DUSP26: variants seen among roughly 807,000 people sequenced by gnomAD.
DUSP26 encodes dual specificity protein phosphatase 26.
Under a neutral mutation model 20.0 loss-of-function variants are expected in DUSP26, and 12 were observed. The ratio of observed to expected loss-of-function variants is 0.60; its 90% CI spans 0.38 to 0.97. The LOEUF (loss-of-function observed/expected upper bound fraction) is 0.97, where lower values mean the gene tolerates loss of function less well. Among genes scored for constraint, DUSP26 ranks in the 50% least tolerant of loss-of-function variants. The probability of loss-of-function intolerance (pLI) is 0.00; values close to 1 mark genes in which losing one functional copy is unlikely to be tolerated. For synonymous variants in DUSP26, 120 were observed against 118.8 expected, an observed-to-expected ratio of 1.01 and a Z score of -0.06; for missense variants, 230 against 294.0, an observed-to-expected ratio of 0.78 and a Z score of 1.59.
rs763836838 is a variant in DUSP26, at chr8:33,597,288, T to C, written c.221+7A>G. On this transcript the variant is annotated splice_region_variant and intron_variant, in intron 2 of 3. Coordinates refer to ENST00000256261, the MANE Select transcript of DUSP26 (RefSeq NM_024025.3). ...TCTACCGTGGGCCCAGTCTGCCCGA[T>C]ACATACTGGTCTCCGAGATAGAGGC... is the stretch of plus-strand genomic sequence containing the variant. The C allele has an allele frequency of 6.2e-7, 1 of 1,607,750 alleles. No homozygotes were observed. The highest frequency in any genetic ancestry group is 1.3e-5 in the African/African-American group (1 of 74,934).
chr8:33,592,046 C>A lies in DUSP26; in HGVS notation c.603G>T (p.Leu201=). Residue 201 remains leucine (L), a synonymous_variant, in exon 4 of 4, where the codon CTG becomes CTT. Coordinates refer to ENST00000256261, the MANE Select transcript of DUSP26 (RefSeq NM_024025.3). ...CCAGACCCTGCCGCAGCCTGCGGTC[C>A]AGGGCCAGGAGCTGCCTCAGGAAGC... ...NRGFLRQLLA[L]DRRLRQGLEA 2 of 1,613,980 alleles carry A rather than the reference C, an allele frequency of 1.2e-6. No homozygotes were observed. The highest frequency in any genetic ancestry group is 1.7e-6 in the Non-Finnish European group (2 of 1,180,002).
At chr8:33,592,611 T>C (rs994507911) in intron 3 of DUSP26, among the ~76,000 whole-genome samples, 1 of 143,320 alleles carries the variant, frequency 7.0e-6, no homozygotes, top group Admixed American at 7.2e-5. Flanking sequence ...TACAGGTGCA[T>C]GAAGACAGGA....
chr8:33,595,243 T>A (rs1192346673), intron 2 of DUSP26, among the ~76,000 whole-genome samples: 1 of 152,216 alleles, frequency 6.6e-6, no homozygotes, highest in African/African-American at 2.4e-5. Flanking sequence ...AGTATGGTTC[T>A]GACATCCACT....
chr8:33,598,400 T>C (rs1355868298), intron 1 of DUSP26, among the ~76,000 whole-genome samples: 1 of 149,428 alleles, frequency 6.7e-6, no homozygotes, highest in African/African-American at 2.5e-5. Context: ...TTTGTCTGTG[T>C]GTGTCTTGAG....
intron 2 of DUSP26, among the ~76,000 whole-genome samples, chr8:33,595,421 T>G (rs1198746011): frequency 1.3e-5 from 2 of 151,434 alleles, no homozygotes; most frequent in Non-Finnish European, 2.9e-5. Flanking sequence ...TCACCTAGGC[T>G]GGAGTGCTAG....
chr8:33,599,139 T>C (rs867916851), intron 1 of DUSP26, among the ~76,000 whole-genome samples: 1 of 141,934 alleles, frequency 7.0e-6, no homozygotes, highest in African/African-American at 3.1e-5. Context: ...ACCATCACCA[T>C]CATCACTACC....
intron 1 of DUSP26, among the ~76,000 whole-genome samples, chr8:33,598,589 C>A (rs979702944): frequency 6.6e-6 from 1 of 152,030 alleles, no homozygotes; most frequent in Non-Finnish European, 1.5e-5. Flanking sequence ...AATTACCAAC[C>A]GTATGGCTGT....
At chr8:33,597,726 G>C (rs1252838730) in intron 1 of DUSP26, 135 bp from the exon 2 acceptor site, 1 of 505,604 alleles carries the variant, frequency 2.0e-6, no homozygotes, top group Non-Finnish European at 3.5e-6. Context: ...CTTCAGGGGT[G>C]GCTTTTTCTT....
chr8:33,591,786 C>A lies in DUSP26; in HGVS notation c.*227G>T, dbSNP rs144747809. On this transcript the variant is annotated 3_prime_UTR_variant, in exon 4 of 4. Coordinates refer to ENST00000256261, the MANE Select transcript of DUSP26 (RefSeq NM_024025.3). ...CCATCTTCCATCTACAGCCTAGCTG[C>A]CTCCTTCCCTGGTCAACCCTTCCTG... The A allele has an allele frequency of 2.3e-5, 13 of 564,432 alleles. No homozygotes were observed. The highest frequency in any genetic ancestry group is 4.1e-5 in the Non-Finnish European group (13 of 318,276). 35.0% of individuals were successfully genotyped at this position (564,432 alleles called of 1,614,324 possible). A position where few individuals can be genotyped will look rare whatever the true frequency, so the allele number is the denominator to read the frequency against.
chr8:33,598,590 G>A (rs370857011), intron 1 of DUSP26, among the ~76,000 whole-genome samples: 17 of 152,214 alleles, frequency 1.1e-4, no homozygotes, highest in Admixed American at 5.9e-4. Flanking sequence ...ATTACCAACC[G>A]TATGGCTGTT....
At chr8:33,599,615 C>T (rs1811226056) in intron 1 of DUSP26, 50 bp downstream of exon 1, 2 of 152,206 alleles carry the variant, frequency 1.3e-5, no homozygotes, top group South Asian at 4.1e-4. Context: ...CGCCTCTCCC[C>T]AGCGTGGAGA....
chr8:33,598,863 G>A (rs1811209367), intron 1 of DUSP26, among the ~76,000 whole-genome samples: 1 of 152,132 alleles, frequency 6.6e-6, no homozygotes, highest in African/African-American at 2.4e-5. Context: ...CCTGCCAGGG[G>A]GACTTCAACT....
chr8:33,592,523 A>AGTGAAAC (rs1424817359), intron 3 of DUSP26, among the ~76,000 whole-genome samples: 28 of 132,398 alleles, frequency 2.1e-4, no homozygotes, highest in African/African-American at 7.1e-4. Flanking sequence ...AGGCAACAAA[A>AGTGAAAC]GTGAAACCCC....
At position 33,599,933 on chromosome 8, in the gene DUSP26, C is replaced by T. The variant is rs890688116; in HGVS notation, c.-345G>A. 12 of 152,284 alleles carry T rather than the reference C, an allele frequency of 7.9e-5. No homozygotes were observed. Among genetic ancestry groups the T allele is most frequent in the Admixed American group, 7.8e-4 (12 of 15,294 alleles). The allele number at this position is 152,284 out of a possible 1,614,324, so 9.4% of individuals were successfully genotyped here. On this transcript the variant is annotated 5_prime_UTR_variant, in exon 1 of 4. Transcript: ENST00000256261. ...GCTCCCCAGCCAACCCCCCACGAGC[C>T]CGCGCGCCTTGCAGACCAGACACGG...
chr8:33,593,202 G>A (rs1178675903), intron 3 of DUSP26, among the ~76,000 whole-genome samples: 1 of 152,078 alleles, frequency 6.6e-6, no homozygotes, highest in Non-Finnish European at 1.5e-5. Flanking sequence ...AACCTGGGAG[G>A]CGGAGGTTAC....
intron 3 of DUSP26, among the ~76,000 whole-genome samples, chr8:33,592,826 C>G (rs1366225270): frequency 1.3e-5 from 2 of 152,082 alleles, no homozygotes; most frequent in African/African-American, 4.8e-5. Context: ...CATTACTGGC[C>G]CCTTCCTCAA....
chr8:33,599,582 C>G (rs998967953), intron 1 of DUSP26, 83 bp downstream of exon 1: 16 of 152,082 alleles, frequency 1.1e-4, no homozygotes, highest in African/African-American at 3.9e-4. Flanking sequence ...GGTCCCCTCC[C>G]TCCCCCGTCG....
chr8:33,593,993 T>C (rs890187602), intron 2 of DUSP26, among the ~76,000 whole-genome samples: 1 of 152,078 alleles, frequency 6.6e-6, no homozygotes, highest in African/African-American at 2.4e-5. Flanking sequence ...ATAATTTTTG[T>C]ATCTTTAGTA....
At chr8:33,597,037 G>A (rs1811160604) in intron 2 of DUSP26, among the ~76,000 whole-genome samples, 1 of 152,070 alleles carries the variant, frequency 6.6e-6, no homozygotes, top group East Asian at 1.9e-4. Flanking sequence ...CTGTACTCTA[G>A]ATACTCCTGC....
Sources: gnomAD v4.1 joint callset for allele counts (sites outside exome capture counted in the v4.1 genomes callset) on GRCh38, gnomAD v4.1.1 for gene constraint, MANE v1.5 for transcripts, NCBI Gene and HGNC (gene_info 2026-07-23, HGNC 2026-07-21) for gene names.